The following PARP8 variants were observed in gnomAD, a reference collection of about 807,000 sequenced individuals.
PARP8 encodes the protein protein mono-ADP-ribosyltransferase PARP8.
In PARP8, 51 loss-of-function variants were observed where a neutral mutation model predicts 124.1. That is an observed-to-expected ratio of 0.41 (90% CI 0.33 to 0.52). The LOEUF (loss-of-function observed/expected upper bound fraction) is 0.52, where lower values mean the gene tolerates loss of function less well. PARP8 is among the 20% of genes least tolerant of loss of function. PARP8 has a pLI of 0.21. For synonymous variants in PARP8, 391 were observed against 361.5 expected (o/e 1.08, Z -0.93); for missense variants, 860 against 1,018.9 (o/e 0.84, Z 2.12).
chr5:50,709,955 T>TATATATACAC (rs149858890), intron 2 of PARP8, among the ~76,000 whole-genome samples: 3,087 of 102,688 alleles, frequency 0.03, 90 homozygotes, highest in East Asian at 0.076. Flanking sequence ...TATATATATA[T>TATATATACAC]ACACATACAT....
intron 2 of PARP8, among the ~76,000 whole-genome samples, chr5:50,730,796 A>C (rs1189251492): frequency 1.3e-5 from 2 of 152,184 alleles, no homozygotes; most frequent in Non-Finnish European, 2.9e-5. Context: ...TTTTTGAATA[A>C]GATTAAGTTG....
At chr5:50,741,456 A>C (rs1356648525) in intron 2 of PARP8, among the ~76,000 whole-genome samples, 1 of 152,190 alleles carries the variant, frequency 6.6e-6, no homozygotes, top group East Asian at 1.9e-4. Context: ...TAAAGCTTGC[A>C]TCAATGTTAC....
At chr5:50,715,619 A>C (rs1755226533) in intron 2 of PARP8, among the ~76,000 whole-genome samples, 1 of 151,964 alleles carries the variant, frequency 6.6e-6, no homozygotes, top group African/African-American at 2.4e-5. Flanking sequence ...TTTTTAAACA[A>C]TTATTTTTCA....
intron 2 of PARP8, among the ~76,000 whole-genome samples, chr5:50,748,706 T>C (rs1758886589): frequency 6.6e-6 from 1 of 152,194 alleles, no homozygotes; most frequent in Non-Finnish European, 1.5e-5. Flanking sequence ...TTCTTATCAC[T>C]GTTTCCTTGT....
chr5:50,749,233 A>G (rs1758953462), intron 2 of PARP8, among the ~76,000 whole-genome samples: 1 of 152,150 alleles, frequency 6.6e-6, no homozygotes, highest in Non-Finnish European at 1.5e-5. Flanking sequence ...ATGTTCCTTT[A>G]AAGAGAATTA....
At chr5:50,666,375 T>C (rs1271795120), upstream of PARP8, 1 of 151,928 alleles carries the variant, frequency 6.6e-6, no homozygotes, top group African/African-American at 2.4e-5. Context: ...GTCGAATTCA[T>C]AAAAGTGATG....
intron 6 of PARP8, among the ~76,000 whole-genome samples, chr5:50,762,528 C>A (rs1373508670): frequency 2.0e-5 from 3 of 152,010 alleles, no homozygotes; most frequent in African/African-American, 7.2e-5. Context: ...ACTCCTTGAG[C>A]AAATGTGCTT....
intron 2 of PARP8, among the ~76,000 whole-genome samples, chr5:50,694,656 G>A (rs1428386917): frequency 2.0e-5 from 3 of 152,074 alleles, no homozygotes; most frequent in Non-Finnish European, 2.9e-5. Context: ...TATTAGTCTG[G>A]GTTCTCTAGA....
chr5:50,717,379 T>C (rs191584986), intron 2 of PARP8, among the ~76,000 whole-genome samples: 119 of 152,050 alleles, frequency 7.8e-4, no homozygotes, highest in Middle Eastern at 3.4e-3. Flanking sequence ...GAGAATAATG[T>C]TTTTGGCCTG....
chr5:50,760,487 A>G (rs1272997913), intron 5 of PARP8, 125 bp downstream of exon 5: 3 of 770,440 alleles, frequency 3.9e-6, no homozygotes, highest in Non-Finnish European at 5.4e-6. Flanking sequence ...AACTCAAGCT[A>G]ATGGCTCAGG....
chr5:50,805,617 G>C (rs137919812), intron 14 of PARP8, among the ~76,000 whole-genome samples: 19 of 151,336 alleles, frequency 1.3e-4, no homozygotes, highest in East Asian at 7.7e-4. Flanking sequence ...TTGCCTTTTG[G>C]AATATATGTT....
intron 2 of PARP8, among the ~76,000 whole-genome samples, chr5:50,690,694 C>T (rs1752400467): frequency 6.6e-6 from 1 of 152,114 alleles, no homozygotes; most frequent in South Asian, 2.1e-4. Context: ...AATCCTATGC[C>T]CAGACTGATA....
intron 2 of PARP8, among the ~76,000 whole-genome samples, chr5:50,727,989 A>G (rs1756601499): frequency 6.6e-6 from 1 of 152,162 alleles, no homozygotes; most frequent in African/African-American, 2.4e-5. Context: ...CTGTGTTGGC[A>G]CAGAGTGGGT....
At chr5:50,762,995 A>G (rs940662425) in intron 6 of PARP8, among the ~76,000 whole-genome samples, 153 bp from the exon 7 acceptor site, 2 of 152,232 alleles carry the variant, frequency 1.3e-5, no homozygotes, top group African/African-American at 2.4e-5. Flanking sequence ...TTTTCTAGTC[A>G]TATGTGAACC....
chr5:50,823,863 G>T (rs1024342427), intron 17 of PARP8, among the ~76,000 whole-genome samples: 15 of 152,362 alleles, frequency 9.8e-5, no homozygotes, highest in African/African-American at 3.6e-4. Flanking sequence ...CAATGAATGT[G>T]ACCTGTGACC....
chr5:50,754,951 T>G (rs1433048756), intron 3 of PARP8, among the ~76,000 whole-genome samples: 9 of 152,202 alleles, frequency 5.9e-5, no homozygotes, highest in Admixed American at 5.2e-4. Flanking sequence ...TGAGCATTTT[T>G]TCATGTGTCT....
chr5:50,686,699 A>G (rs2149453290), intron 2 of PARP8, among the ~76,000 whole-genome samples: 1 of 152,284 alleles, frequency 6.6e-6, no homozygotes, highest in East Asian at 1.9e-4. Context: ...GAGGTTTCCA[A>G]ACCTCAGTTC....
At chr5:50,754,763 T>C (rs1299990553) in intron 3 of PARP8, among the ~76,000 whole-genome samples, 3 of 152,214 alleles carry the variant, frequency 2.0e-5, no homozygotes, top group Non-Finnish European at 4.4e-5. Flanking sequence ...TGCCACACTA[T>C]CTTCCACAAT....
At chr5:50,760,725 G>A (rs751857062) in intron 5 of PARP8, among the ~76,000 whole-genome samples, 1 of 152,014 alleles carries the variant, frequency 6.6e-6, no homozygotes, top group African/African-American at 2.4e-5. Context: ...AATTTTAAAA[G>A]ATGATTTCTT....
Sources: gnomAD v4.1 joint callset for allele counts (sites outside exome capture counted in the v4.1 genomes callset) on GRCh38, gnomAD v4.1.1 for gene constraint, MANE v1.5 for transcripts, NCBI Gene and HGNC (gene_info 2026-07-23, HGNC 2026-07-21) for gene names.